The following KCNJ3 variants were observed in gnomAD, a reference collection of about 807,000 sequenced individuals.
KCNJ3 encodes G protein-activated inward rectifier potassium channel 1.
Under a neutral mutation model 39.2 loss-of-function variants are expected in KCNJ3, and 4 were observed. The observed-to-expected ratio is 0.10, with a 90% CI of 0.05 to 0.23. The LOEUF is 0.23. Among genes scored for constraint, KCNJ3 ranks in the 10% least tolerant of loss-of-function variants. KCNJ3 has a pLI of 1.00. For synonymous variants in KCNJ3, 230 were observed against 237.4 expected (o/e 0.97, Z 0.29); for missense variants, 276 against 634.9 (o/e 0.43, Z 6.08).
At chr2:154,706,890 A>G (rs1373553318) in intron 1 of KCNJ3, among the ~76,000 whole-genome samples, 1 of 152,052 alleles carries the variant, frequency 6.6e-6, no homozygotes, top group Non-Finnish European at 1.5e-5. Context: ...CACACCCTTC[A>G]CTTTTGACCT....
At chr2:154,788,470 T>C (rs541688319) in intron 2 of KCNJ3, among the ~76,000 whole-genome samples, 1 of 152,222 alleles carries the variant, frequency 6.6e-6, no homozygotes, top group African/African-American at 2.4e-5. Context: ...TTTTTGAATT[T>C]TGCAGAAAAA....
At chr2:154,823,856 C>T (rs1413814812) in intron 2 of KCNJ3, among the ~76,000 whole-genome samples, 2 of 151,852 alleles carry the variant, frequency 1.3e-5, no homozygotes, top group South Asian at 2.1e-4. Context: ...GTCATTTATT[C>T]GTCTTTGATC....
chr2:154,716,885 GTGTT>G (rs925209848), intron 2 of KCNJ3, among the ~76,000 whole-genome samples: 3 of 152,194 alleles, frequency 2.0e-5, no homozygotes, highest in African/African-American at 7.2e-5. Flanking sequence ...TAATCAGTAA[GTGTT>G]TGTTGATTAC....
At chr2:154,714,601 T>A (rs554411862) in intron 2 of KCNJ3, among the ~76,000 whole-genome samples, 43 of 152,334 alleles carry the variant, frequency 2.8e-4, no homozygotes, top group Admixed American at 8.5e-4. Context: ...TGAATGTCAG[T>A]ATTTTAATTC....
chr2:154,751,932 G>T (rs1685851743), intron 2 of KCNJ3, among the ~76,000 whole-genome samples: 1 of 151,922 alleles, frequency 6.6e-6, no homozygotes, highest in Non-Finnish European at 1.5e-5. Context: ...CATTTTAACT[G>T]CAGTACCACC....
At chr2:154,750,663 T>G (rs1169401999) in intron 2 of KCNJ3, among the ~76,000 whole-genome samples, 2 of 151,916 alleles carry the variant, frequency 1.3e-5, no homozygotes, top group Non-Finnish European at 2.9e-5. Context: ...TTTCATACAA[T>G]TTTTTCACCG....
chr2:154,715,353 G>A (rs1305691810), intron 2 of KCNJ3, among the ~76,000 whole-genome samples: 1 of 152,102 alleles, frequency 6.6e-6, no homozygotes, highest in Non-Finnish European at 1.5e-5. Flanking sequence ...GAGAAAATTA[G>A]GCTGCCCTTC....
intron 2 of KCNJ3, among the ~76,000 whole-genome samples, chr2:154,812,341 C>T (rs933184488): frequency 1.4e-4 from 22 of 152,160 alleles, no homozygotes; most frequent in Non-Finnish European, 2.6e-4. Context: ...GACAGACTGC[C>T]TTGTCATGGT....
intron 1 of KCNJ3, among the ~76,000 whole-genome samples, chr2:154,702,603 C>T (rs1297686152): frequency 6.6e-6 from 1 of 151,988 alleles, no homozygotes; most frequent in South Asian, 2.1e-4. Context: ...ATCTCTATTC[C>T]TGTCTTCCAG....
intron 2 of KCNJ3, among the ~76,000 whole-genome samples, chr2:154,726,133 T>A (rs1367948296): frequency 6.6e-6 from 1 of 152,040 alleles, no homozygotes; most frequent in African/African-American, 2.4e-5. Context: ...ACCAAAAAAC[T>A]TCTTCTGCAC....
intron 2 of KCNJ3, among the ~76,000 whole-genome samples, chr2:154,847,305 A>G (rs1225074401): frequency 6.6e-6 from 1 of 152,178 alleles, no homozygotes; most frequent in Non-Finnish European, 1.5e-5. Flanking sequence ...GTGCAACACA[A>G]TAGAGAGCAT....
intron 2 of KCNJ3, among the ~76,000 whole-genome samples, chr2:154,781,506 AG>A (rs1574460286): frequency 6.6e-6 from 1 of 152,224 alleles, no homozygotes; most frequent in Non-Finnish European, 1.5e-5. Context: ...AGAAAGAAAA[AG>A]GAAGCAGCAC....
intron 2 of KCNJ3, among the ~76,000 whole-genome samples, chr2:154,758,803 A>G (rs1251626343): frequency 1.3e-5 from 2 of 152,224 alleles, no homozygotes; most frequent in East Asian, 3.8e-4. Flanking sequence ...GCTGATCTCC[A>G]TACTGGATTA....
intron 2 of KCNJ3, among the ~76,000 whole-genome samples, chr2:154,842,002 T>C (rs1386453496): frequency 6.6e-6 from 1 of 152,186 alleles, no homozygotes; most frequent in African/African-American, 2.4e-5. Flanking sequence ...GTGTTTCCTC[T>C]TGCTTCTCTA....
chr2:154,724,484 G>T (rs1036227688), intron 2 of KCNJ3, among the ~76,000 whole-genome samples: 8 of 152,030 alleles, frequency 5.3e-5, no homozygotes, highest in Admixed American at 3.9e-4. Flanking sequence ...TACAGCTCGA[G>T]AATTTTCTTT....
intron 2 of KCNJ3, among the ~76,000 whole-genome samples, chr2:154,846,205 C>T (rs1687660285): frequency 1.4e-5 from 2 of 146,108 alleles, no homozygotes; most frequent in Admixed American, 1.4e-4. Context: ...ATTATATATA[C>T]TTCCTCATAT....
At chr2:154,851,659 T>G (rs755908509) in intron 2 of KCNJ3, among the ~76,000 whole-genome samples, 1 of 152,306 alleles carries the variant, frequency 6.6e-6, no homozygotes, top group Admixed American at 6.5e-5. Flanking sequence ...GCTGTGAAAA[T>G]AAGTAAAGTT....
At chr2:154,752,633 A>G (rs923762087) in intron 2 of KCNJ3, among the ~76,000 whole-genome samples, 1 of 152,022 alleles carries the variant, frequency 6.6e-6, no homozygotes, top group Non-Finnish European at 1.5e-5. Context: ...TCAAGTGCAC[A>G]TTATTTGCTA....
chr2:154,784,958 C>T (rs762508953), intron 2 of KCNJ3, among the ~76,000 whole-genome samples: 1 of 152,120 alleles, frequency 6.6e-6, no homozygotes, highest in Non-Finnish European at 1.5e-5. Context: ...CTGCAATATA[C>T]TATGTGCTCA....
Sources: allele counts gnomAD v4.1 joint callset (sites outside exome capture counted in the v4.1 genomes callset), GRCh38; gene constraint gnomAD v4.1.1; transcripts MANE v1.5; gene names NCBI Gene and HGNC (gene_info 2026-07-23, HGNC 2026-07-21).